The following PALM2AKAP2 variants were observed in gnomAD, a reference collection of about 807,000 sequenced individuals.
PALM2AKAP2 encodes the protein PALM2 and AKAP2 fusion, also known as PALM2-AKAP2 fusion protein.
A neutral mutation model predicts 71.5 loss-of-function variants in PALM2AKAP2; 37 were observed. The observed-to-expected ratio is 0.52, with a 90% CI of 0.40 to 0.68. The LOEUF is 0.68. Ranked by LOEUF, PALM2AKAP2 falls within the 30% of genes least tolerant of loss-of-function variation. The pLI is 0.00. For missense variants in PALM2AKAP2, 1,224 were observed against 1,191.8 expected, an observed-to-expected ratio of 1.03 and a Z score of -0.40; for synonymous variants, 468 against 478.8, an observed-to-expected ratio of 0.98 and a Z score of 0.29.
chr9:109,880,717 GT>G, intron 3 of PALM2AKAP2, 36 bp downstream of exon 3: 1 of 1,610,126 alleles, frequency 6.2e-7, no homozygotes, highest in Non-Finnish European at 8.5e-7. Context: ...CCATGCTACA[GT>G]TTTTCAGTGC....
intron 1 of PALM2AKAP2, among the ~76,000 whole-genome samples, chr9:110,108,407 C>T (rs558586050): frequency 3.9e-5 from 6 of 152,308 alleles, no homozygotes; most frequent in African/African-American, 1.4e-4. Context: ...GCCACCCCGC[C>T]TGGCTGCCTT....
At chr9:109,937,553 A>G (rs1347275583) in intron 6 of PALM2AKAP2, among the ~76,000 whole-genome samples, 2 of 152,216 alleles carry the variant, frequency 1.3e-5, no homozygotes, top group Admixed American at 1.3e-4. Flanking sequence ...TAAAAACAGC[A>G]TATTACTCAG....
chr9:109,661,257 G>C (rs1827390712), intron 1 of PALM2AKAP2, among the ~76,000 whole-genome samples: 1 of 152,138 alleles, frequency 6.6e-6, no homozygotes, highest in Admixed American at 6.5e-5. Context: ...GTCCTGAATG[G>C]TATTGCCTAG....
At chr9:110,168,713 CTT>C (rs1836793945) in exon 4 of PALM2AKAP2, 11 of 553,208 alleles carry the variant, frequency 2.0e-5, no homozygotes, top group Non-Finnish European at 3.0e-5. Context: ...AGAGAAAGGA[CTT>C]TTTTGGTGAC....
chr9:109,973,660 G>T (rs1175566569), intron 6 of PALM2AKAP2, among the ~76,000 whole-genome samples: 1 of 152,152 alleles, frequency 6.6e-6, no homozygotes, highest in Non-Finnish European at 1.5e-5. Context: ...GAAAGGATTT[G>T]GGGGCAATAA....
At chr9:109,800,892 C>CTTAG (rs1357754334) in intron 1 of PALM2AKAP2, among the ~76,000 whole-genome samples, 3 of 152,202 alleles carry the variant, frequency 2.0e-5, no homozygotes, top group Non-Finnish European at 4.4e-5. Flanking sequence ...AGAATGACGT[C>CTTAG]TTAGGACTCA....
chr9:109,644,804 CAT>C (rs1193435347), intron 1 of PALM2AKAP2, among the ~76,000 whole-genome samples: 1 of 152,198 alleles, frequency 6.6e-6, no homozygotes, highest in African/African-American at 2.4e-5. Context: ...TTTGCTAAAA[CAT>C]AACAAGAGTC....
intron 3 of PALM2AKAP2, among the ~76,000 whole-genome samples, chr9:110,158,298 A>G (rs1564340184): frequency 6.6e-6 from 1 of 152,220 alleles, no homozygotes; most frequent in African/African-American, 2.4e-5. Flanking sequence ...ACTCTGCTCT[A>G]TACATCAGCA....
In PALM2AKAP2 at chr9:110,091,649, AG is replaced by A. The variant is rs1328750158; in HGVS notation, c.156+42795del. On this transcript the variant is annotated intron_variant, in intron 1 of 3. Transcript: ENST00000374525. The stretch of plus-strand genomic sequence containing the variant: ...GGCTAATTTTTTGTATTTTTAGTAG[AG>A]ATGGGGTTTCACCGTGTTAGCCAGG... Among the ~76,000 whole-genome samples the A allele has an allele frequency of 4.6e-5, 7 of 151,692 alleles. 1 individual carries two copies. The East Asian group carries it at 1.4e-3, about 30-fold the overall frequency.
intron 1 of PALM2AKAP2, among the ~76,000 whole-genome samples, chr9:109,813,960 C>T (rs566570363): frequency 3.9e-5 from 6 of 152,350 alleles, no homozygotes; most frequent in East Asian, 1.9e-4. Flanking sequence ...CTTGCTGGTT[C>T]GCATGTGCTC....
At chr9:109,701,635 A>C (rs1287388204) in intron 1 of PALM2AKAP2, among the ~76,000 whole-genome samples, 2 of 152,320 alleles carry the variant, frequency 1.3e-5, no homozygotes, top group East Asian at 3.9e-4. Context: ...TAAAACCATA[A>C]AAATCCTAGA....
chr9:110,023,093 C>G (rs1179612208), intron 7 of PALM2AKAP2, among the ~76,000 whole-genome samples: 1 of 151,418 alleles, frequency 6.6e-6, no homozygotes, highest in Non-Finnish European at 1.5e-5. Flanking sequence ...GGTATATACC[C>G]AGTAATGGGA....
chr9:109,642,101 T>C (rs1827078794), intron 1 of PALM2AKAP2, among the ~76,000 whole-genome samples: 1 of 152,180 alleles, frequency 6.6e-6, no homozygotes, highest in Non-Finnish European at 1.5e-5. Context: ...GAGAGGATCA[T>C]GTAATATCTG....
At chr9:109,913,330 T>G (rs891568706) in intron 3 of PALM2AKAP2, among the ~76,000 whole-genome samples, 2 of 152,206 alleles carry the variant, frequency 1.3e-5, no homozygotes, top group Non-Finnish European at 2.9e-5. Flanking sequence ...TCTGATATAA[T>G]TCAGCTGGCA....
chr9:109,670,074 A>G (rs1358742965), intron 1 of PALM2AKAP2, among the ~76,000 whole-genome samples: 1 of 151,866 alleles, frequency 6.6e-6, no homozygotes, highest in Non-Finnish European at 1.5e-5. Context: ...ACAAATTTTG[A>G]TTTGTTTTAT....
chr9:109,739,631 T>C (rs111401478), intron 1 of PALM2AKAP2, among the ~76,000 whole-genome samples: 1 of 152,210 alleles, frequency 6.6e-6, no homozygotes, highest in African/African-American at 2.4e-5. Flanking sequence ...GGAATCCAAT[T>C]AGAGCCAGAC....
At chr9:109,800,730 C>T (rs907320317) in intron 1 of PALM2AKAP2, among the ~76,000 whole-genome samples, 4 of 152,222 alleles carry the variant, frequency 2.6e-5, no homozygotes, top group Admixed American at 2.6e-4. Context: ...TTTAAATCTA[C>T]AGGGGTTTGT....
At chr9:109,661,236 C>T (rs543148845) in intron 1 of PALM2AKAP2, among the ~76,000 whole-genome samples, 2 of 151,982 alleles carry the variant, frequency 1.3e-5, no homozygotes, top group East Asian at 1.9e-4. Context: ...GAAGTCCTTG[C>T]CCATGCCTAT....
chr9:109,716,320 AG>A (rs1462594423), intron 1 of PALM2AKAP2, among the ~76,000 whole-genome samples: 2 of 152,180 alleles, frequency 1.3e-5, no homozygotes, highest in African/African-American at 4.8e-5. Flanking sequence ...CACTGAATCC[AG>A]ATAAATAGAT....
Sources: gnomAD v4.1 joint callset for allele counts (sites outside exome capture counted in the v4.1 genomes callset) on GRCh38, gnomAD v4.1.1 for gene constraint, MANE v1.5 for transcripts, NCBI Gene and HGNC (gene_info 2026-07-23, HGNC 2026-07-21) for gene names.